OSBPL6: variants seen among roughly 807,000 people sequenced by gnomAD.
The protein encoded by OSBPL6 is oxysterol binding protein like 6.
A neutral mutation model predicts 125.8 loss-of-function variants in OSBPL6; 49 were observed. That is an observed-to-expected ratio of 0.39 (90% CI 0.31 to 0.49). The LOEUF (loss-of-function observed/expected upper bound fraction) is 0.49, where lower values mean the gene tolerates loss of function less well. Ranked by LOEUF, OSBPL6 falls within the 20% of genes least tolerant of loss-of-function variation. The pLI is 0.88. For synonymous variants in OSBPL6, 394 were observed against 391.8 expected (o/e 1.01, Z -0.07); for missense variants, 986 against 1,135.4 (o/e 0.87, Z 1.89).
intron 4 of OSBPL6, among the ~76,000 whole-genome samples, chr2:178,324,758 G>A (rs1688546015): frequency 6.6e-6 from 1 of 152,204 alleles, no homozygotes; most frequent in South Asian, 2.1e-4. Flanking sequence ...TATGGAAACT[G>A]AGAGTTAATA....
intron 3 of OSBPL6, among the ~76,000 whole-genome samples, chr2:178,311,821 T>C (rs1025234424): frequency 6.6e-6 from 1 of 152,124 alleles, no homozygotes; most frequent in Non-Finnish European, 1.5e-5. Context: ...TTCCTCTTGC[T>C]CCTGAGAGTG....
intron 1 of OSBPL6, among the ~76,000 whole-genome samples, chr2:178,211,766 A>G (rs2089874031): frequency 6.6e-6 from 1 of 152,126 alleles, no homozygotes; most frequent in Admixed American, 6.5e-5. Context: ...GCTCGGAGCC[A>G]CATGAGCCCT....
intron 1 of OSBPL6, among the ~76,000 whole-genome samples, chr2:178,224,195 G>A (rs73975819): frequency 0.019 from 2,829 of 152,290 alleles, 96 homozygotes; most frequent in African/African-American, 0.064. Context: ...CAAGAGAGAA[G>A]GGATGTAAGA....
chr2:178,331,514 A>T, intron 5 of OSBPL6, 38 bp from the exon 6 acceptor site: 1 of 1,609,076 alleles, frequency 6.2e-7, no homozygotes, highest in Non-Finnish European at 8.5e-7. Context: ...ATGTAATTCA[A>T]AATACAGACA....
At chr2:178,339,355 G>A (rs768463147) in intron 10 of OSBPL6, among the ~76,000 whole-genome samples, 6 of 152,056 alleles carry the variant, frequency 3.9e-5, no homozygotes, top group Non-Finnish European at 8.8e-5. Flanking sequence ...CCATGTTTGT[G>A]TCCTATTAGA....
chr2:178,253,100 C>A (rs1160467719), intron 1 of OSBPL6, among the ~76,000 whole-genome samples: 2 of 151,590 alleles, frequency 1.3e-5, no homozygotes, highest in Non-Finnish European at 2.9e-5. Context: ...CGGCTCACTG[C>A]AACCTCCACC....
At chr2:178,353,624 G>GT (rs1491418059) in intron 12 of OSBPL6, among the ~76,000 whole-genome samples, 2 of 152,160 alleles carry the variant, frequency 1.3e-5, no homozygotes, top group African/African-American at 4.8e-5. Flanking sequence ...CATTTGATAG[G>GT]TTTACCTAAA....
At chr2:178,361,958 G>T (rs1436028076) in intron 13 of OSBPL6, 143 bp downstream of exon 13, 1 of 1,026,172 alleles carries the variant, frequency 9.7e-7, no homozygotes, top group Non-Finnish European at 1.4e-6. Context: ...AGACTGCAGT[G>T]TCAGTATTAG....
At chr2:178,368,219 A>G (rs191870138) in intron 13 of OSBPL6, among the ~76,000 whole-genome samples, 8 of 152,328 alleles carry the variant, frequency 5.3e-5, no homozygotes, top group African/African-American at 1.9e-4. Flanking sequence ...CAGAAAGCTC[A>G]TGGCGCTTGG....
At chr2:178,332,107 G>A (rs1473544443) in intron 6 of OSBPL6, among the ~76,000 whole-genome samples, 1 of 152,178 alleles carries the variant, frequency 6.6e-6, no homozygotes, top group East Asian at 1.9e-4. Flanking sequence ...CATCATTGTG[G>A]TGTAGGGGAA....
chr2:178,303,388 G>C (rs774032833), intron 2 of OSBPL6, among the ~76,000 whole-genome samples: 1 of 152,102 alleles, frequency 6.6e-6, no homozygotes, highest in Non-Finnish European at 1.5e-5. Context: ...AATTCCCCCT[G>C]TAATTATTGG....
chr2:178,399,939 A>G lies in OSBPL6; in HGVS notation c.*4380A>G, dbSNP rs542502360. 3.9e-5 allele frequency: 6 copies of G among 152,346 alleles called. No individual in the cohort carries two copies. 9.4% of individuals were successfully genotyped at this position (152,346 alleles called of 1,614,324 possible). A position where few individuals can be genotyped will look rare whatever the true frequency, so the allele number is the denominator to read the frequency against. ...TTTGGTATCTTCAAATTGGTAAGAA[A>G]AAAACATAAAACAAAAATGTTCTTA... On this transcript the variant is annotated 3_prime_UTR_variant, in exon 25 of 25. Coordinates refer to ENST00000190611, the MANE Select transcript of OSBPL6 (RefSeq NM_032523.4).
At chr2:178,320,083 G>T (rs568502698) in intron 3 of OSBPL6, among the ~76,000 whole-genome samples, 2 of 152,272 alleles carry the variant, frequency 1.3e-5, no homozygotes, top group South Asian at 4.1e-4. Flanking sequence ...TAAATGACAA[G>T]ATCCCTATTC....
chr2:178,346,461 A>G (rs907488778), intron 11 of OSBPL6, among the ~76,000 whole-genome samples: 3 of 152,202 alleles, frequency 2.0e-5, no homozygotes, highest in Non-Finnish European at 4.4e-5. Context: ...TGACTTATTC[A>G]TGGACAGGAC....
intron 1 of OSBPL6, among the ~76,000 whole-genome samples, chr2:178,276,929 T>C (rs1310087820): frequency 6.6e-6 from 1 of 152,134 alleles, no homozygotes; most frequent in African/African-American, 2.4e-5. Context: ...CAAACTGCAG[T>C]AGGTGCCCAC....
At chr2:178,221,519 T>TCA (rs2090340304) in intron 1 of OSBPL6, among the ~76,000 whole-genome samples, 4 of 152,212 alleles carry the variant, frequency 2.6e-5, no homozygotes, top group African/African-American at 9.7e-5. Context: ...TCTAAGATAA[T>TCA]TATTTGATCA....
chr2:178,271,630 AAC>A (rs1160406021), intron 1 of OSBPL6, among the ~76,000 whole-genome samples: 1 of 152,202 alleles, frequency 6.6e-6, no homozygotes, highest in African/African-American at 2.4e-5. Flanking sequence ...CAGTGCTACT[AAC>A]AGTGTTCACC....
chr2:178,332,614 G>T (rs2154077868), intron 6 of OSBPL6, 27 bp from the exon 7 acceptor site: 1 of 1,485,766 alleles, frequency 6.7e-7, no homozygotes, highest in Non-Finnish European at 9.4e-7. Context: ...TATCCTTTCA[G>T]CCTATTTACT....
chr2:178,282,944 C>T (rs538497214), intron 1 of OSBPL6, among the ~76,000 whole-genome samples: 7 of 152,248 alleles, frequency 4.6e-5, no homozygotes, highest in South Asian at 2.1e-4. Context: ...TGAGCCACTG[C>T]GCCTGGCCTG....
Sources: gnomAD v4.1 joint callset for allele counts (sites outside exome capture counted in the v4.1 genomes callset) on GRCh38, gnomAD v4.1.1 for gene constraint, MANE v1.5 for transcripts, NCBI Gene and HGNC (gene_info 2026-07-23, HGNC 2026-07-21) for gene names.